The following MAGI2 variants were observed in gnomAD, a reference collection of about 807,000 sequenced individuals.
The protein encoded by MAGI2 is membrane-associated guanylate kinase, WW and PDZ domain-containing protein 2.
In MAGI2, 35 loss-of-function variants were observed where a neutral mutation model predicts 133.3. The ratio of observed to expected loss-of-function variants is 0.26; its 90% CI spans 0.20 to 0.35. The LOEUF (loss-of-function observed/expected upper bound fraction) is 0.35, where lower values mean the gene tolerates loss of function less well. Among genes scored for constraint, MAGI2 ranks in the 10% least tolerant of loss-of-function variants. The pLI, the probability that MAGI2 is intolerant of heterozygous loss-of-function variation, is 1.00. For synonymous variants in MAGI2, 729 were observed against 710.6 expected, an observed-to-expected ratio of 1.03 and a Z score of -0.41; for missense variants, 1,636 against 1,863.4, an observed-to-expected ratio of 0.88 and a Z score of 2.25.
intron 2 of MAGI2, among the ~76,000 whole-genome samples, chr7:78,980,814 A>C (rs1228440447): frequency 6.7e-6 from 1 of 150,152 alleles, no homozygotes; most frequent in Non-Finnish European, 1.5e-5. Flanking sequence ...TATATTGTTT[A>C]CTAGTTATTT....
chr7:79,085,385 T>G (rs1314803497), intron 1 of MAGI2, among the ~76,000 whole-genome samples: 1 of 151,812 alleles, frequency 6.6e-6, no homozygotes, highest in Non-Finnish European at 1.5e-5. Context: ...ATTATTTTTG[T>G]AATTTCTTTA....
At chr7:78,584,063 C>G (rs909322702) in intron 3 of MAGI2, among the ~76,000 whole-genome samples, 1 of 152,040 alleles carries the variant, frequency 6.6e-6, no homozygotes, top group African/African-American at 2.4e-5. Context: ...AAAACCAAAC[C>G]AAATCAAACA....
chr7:78,283,457 A>G (rs866939285), intron 9 of MAGI2, among the ~76,000 whole-genome samples: 1 of 152,140 alleles, frequency 6.6e-6, no homozygotes, highest in South Asian at 2.1e-4. Context: ...CATATCCTTT[A>G]TTAACCTGAA....
intron 2 of MAGI2, among the ~76,000 whole-genome samples, chr7:78,848,313 C>T (rs1486954379): frequency 6.6e-6 from 1 of 151,898 alleles, no homozygotes; most frequent in Non-Finnish European, 1.5e-5. Context: ...CCTTCACCCT[C>T]CACATCCAAT....
chr7:79,406,178 T>C (rs1845796503), intron 1 of MAGI2, among the ~76,000 whole-genome samples: 1 of 152,044 alleles, frequency 6.6e-6, no homozygotes, highest in Non-Finnish European at 1.5e-5. Context: ...GAAATCCCTA[T>C]TTAACAGATT....
intron 1 of MAGI2, among the ~76,000 whole-genome samples, chr7:79,083,184 TA>T (rs1336962234): frequency 6.6e-6 from 1 of 151,616 alleles, no homozygotes; most frequent in Non-Finnish European, 1.5e-5. Context: ...TCATTTAGCT[TA>T]AATGCTCTTG....
intron 21 of MAGI2, among the ~76,000 whole-genome samples, chr7:78,037,517 T>C (rs1810355891): frequency 6.6e-6 from 1 of 152,170 alleles, no homozygotes; most frequent in African/African-American, 2.4e-5. Flanking sequence ...TTGGTGTCAA[T>C]TTGTGTAGCA....
rs1402499439 is a variant in MAGI2, at chr7:78,018,530, T to A, written c.*785A>T. On this transcript the variant is annotated 3_prime_UTR_variant, in exon 22 of 22. Transcript: ENST00000354212. ...TTAGAGAAAAACCAATTAAGATCTA[T>A]GAGCTAAACTGCAAAATTCTGACTT... 6.6e-6 allele frequency: 1 copy of A among 152,220 alleles called. No homozygotes were observed. The highest frequency in any genetic ancestry group is 1.5e-5 in the Non-Finnish European group (1 of 68,038). 9.4% of individuals were successfully genotyped at this position (152,220 alleles called of 1,614,324 possible). A position where few individuals can be genotyped will look rare whatever the true frequency, so the allele number is the denominator to read the frequency against.
intron 2 of MAGI2, among the ~76,000 whole-genome samples, chr7:78,644,875 A>G (rs1226869954): frequency 2.0e-5 from 3 of 152,186 alleles, no homozygotes; most frequent in Non-Finnish European, 4.4e-5. Flanking sequence ...TCCAAGCTAG[A>G]CTGACCTCAG....
At chr7:79,312,670 C>T (rs576410032) in intron 1 of MAGI2, among the ~76,000 whole-genome samples, 2 of 152,240 alleles carry the variant, frequency 1.3e-5, no homozygotes, top group African/African-American at 4.8e-5. Flanking sequence ...TTTTGTCTCA[C>T]TTATTAACTA....
chr7:79,191,392 C>CTTTCTTTTTTTTTTTTTTTTTTTTT (rs1827643062), intron 1 of MAGI2, among the ~76,000 whole-genome samples: 1 of 45,732 alleles, frequency 2.2e-5, no homozygotes, highest in African/African-American at 7.6e-5. Context: ...TTTTCTTTTT[C>CTTTCTTTTTTTTTTTTTTTTTTTTT]TTTTTCTTTC....
At chr7:78,522,622 C>T (rs975294185) in intron 3 of MAGI2, among the ~76,000 whole-genome samples, 2 of 152,138 alleles carry the variant, frequency 1.3e-5, no homozygotes, top group East Asian at 1.9e-4. Flanking sequence ...TCAAATGATC[C>T]GCCTGCCTCG....
chr7:79,324,565 AACC>A (rs1839474432), intron 1 of MAGI2, among the ~76,000 whole-genome samples: 1 of 42,548 alleles, frequency 2.4e-5, no homozygotes, highest in African/African-American at 7.4e-5. Flanking sequence ...ATACACATAT[AACC>A]ATATATATAC....
intron 1 of MAGI2, among the ~76,000 whole-genome samples, chr7:79,343,942 G>C (rs570723441): frequency 6.6e-6 from 1 of 152,198 alleles, no homozygotes; most frequent in East Asian, 1.9e-4. Flanking sequence ...CATAGAGATT[G>C]CATTTTAAAA....
chr7:78,323,065 A>AAG (rs896372791), intron 9 of MAGI2, among the ~76,000 whole-genome samples: 1 of 130,974 alleles, frequency 7.6e-6, no homozygotes, highest in South Asian at 2.7e-4. Context: ...TATGGAAGAA[A>AAG]AAAAAAAAGG....
chr7:79,220,102 T>A (rs1830327098), intron 1 of MAGI2, among the ~76,000 whole-genome samples: 2 of 152,018 alleles, frequency 1.3e-5, no homozygotes, highest in South Asian at 4.1e-4. Flanking sequence ...AAAGGAGAAT[T>A]CAGTGGCACT....
chr7:78,574,027 TTCTCCAA>T (rs1280906881), intron 3 of MAGI2, among the ~76,000 whole-genome samples: 1 of 152,188 alleles, frequency 6.6e-6, no homozygotes, highest in African/African-American at 2.4e-5. Flanking sequence ...TTTCTCCAAT[TTCTCCAA>T]AGAATAATCA....
intron 1 of MAGI2, among the ~76,000 whole-genome samples, chr7:79,122,146 A>C (rs187608837): frequency 6.6e-6 from 1 of 152,146 alleles, no homozygotes; most frequent in Non-Finnish European, 1.5e-5. Flanking sequence ...AATCTATACT[A>C]AATTCTCTGA....
rs780041985 is a variant in MAGI2, at chr7:78,255,978, A to G, written c.2012T>C (p.Ile671Thr). Residue 671 changes from isoleucine to threonine, a missense_variant, in exon 10 of 22, where the codon ATT becomes ACT. Ile to Thr is a moderately conservative substitution (Grantham distance 89). Transcript: ENST00000354212. ...EVVDILKDCP[I>T]GSETSLIIHR... The stretch of plus-strand genomic sequence containing the variant: ...GATAATCAAAGAAGTTTCACTTCCA[A>G]TGGGACAGTCCTTAAGTATATCCAC... The G allele has an allele frequency of 3.7e-5, 59 of 1,613,882 alleles. No homozygotes were observed. Among genetic ancestry groups the G allele is most frequent in the Middle Eastern group, 1.7e-4 (1 of 6,058 alleles).
Sources: gnomAD v4.1 joint callset for allele counts (sites outside exome capture counted in the v4.1 genomes callset) on GRCh38, gnomAD v4.1.1 for gene constraint, MANE v1.5 for transcripts, NCBI Gene and HGNC (gene_info 2026-07-23, HGNC 2026-07-21) for gene names.